Variants in PDE8A observed in about 807,000 individuals in gnomAD.
PDE8A encodes the protein high affinity cAMP-specific and IBMX-insensitive 3',5'-cyclic phosphodiesterase 8A.
PDE8A carries 59 observed loss-of-function variants against 105.0 expected under a neutral mutation model. The ratio of observed to expected loss-of-function variants is 0.56; its 90% CI spans 0.46 to 0.70. PDE8A has a LOEUF of 0.70. PDE8A is among the 30% of genes least tolerant of loss of function. The probability of loss-of-function intolerance (pLI) is 0.00; values close to 1 mark genes in which losing one functional copy is unlikely to be tolerated. For missense variants in PDE8A, 1,014 were observed against 1,045.9 expected (o/e 0.97, Z 0.42); for synonymous variants, 355 against 371.9 (o/e 0.95, Z 0.52).
Position 85,138,124 on chromosome 15 carries a change from A to C in PDE8A, c.*221A>C. ...CACTGTAGCCTGGGCCTGCTGCAGGAGCTCTTCAGAAAGGCACATGAGGAC... is the reference window on the plus strand; with the variant it reads ...CACTGTAGCCTGGGCCTGCTGCAGGCGCTCTTCAGAAAGGCACATGAGGAC... On this transcript the variant is annotated 3_prime_UTR_variant, in exon 22 of 22. Transcript: ENST00000394553. The C allele has an allele frequency of 2.1e-6, 1 of 479,940 alleles. No homozygotes were observed. The highest frequency in any genetic ancestry group is 3.7e-6 in the Non-Finnish European group (1 of 267,612). 29.7% of individuals were successfully genotyped at this position (479,940 alleles called of 1,614,324 possible).
At chr15:85,007,044 T>A (rs987487387) in intron 1 of PDE8A, among the ~76,000 whole-genome samples, 5 of 152,186 alleles carry the variant, frequency 3.3e-5, no homozygotes, top group Admixed American at 1.3e-4. Context: ...CATTCTTCTG[T>A]ACATGGGTGA....
chr15:85,095,349 A>G (rs141149945), intron 8 of PDE8A, among the ~76,000 whole-genome samples: 1 of 151,674 alleles, frequency 6.6e-6, no homozygotes, highest in Non-Finnish European at 1.5e-5. Flanking sequence ...ATATATATAT[A>G]TTTTTTTTCC....
intron 4 of PDE8A, 88 bp downstream of exon 4, chr15:85,076,006 T>TTATTTG: frequency 1.4e-6 from 1 of 718,732 alleles, no homozygotes; most frequent in Non-Finnish European, 2.5e-6. Flanking sequence ...TTGCATGCTG[T>TTATTTG]GTCAGGCATG....
intron 1 of PDE8A, among the ~76,000 whole-genome samples, chr15:85,037,834 A>G (rs1361525338): frequency 3.3e-5 from 5 of 152,242 alleles, no homozygotes; most frequent in African/African-American, 4.8e-5. Flanking sequence ...TCAAATCAGA[A>G]TATTCTAATT....
intron 1 of PDE8A, among the ~76,000 whole-genome samples, chr15:85,001,381 CA>C (rs753727002): frequency 7.2e-5 from 11 of 151,866 alleles, no homozygotes; most frequent in Admixed American, 5.2e-4. Flanking sequence ...AAAACAAAAA[CA>C]AAAAAAGGCA....
chr15:85,029,764 AG>A (rs1369666755), intron 1 of PDE8A, among the ~76,000 whole-genome samples: 1 of 152,214 alleles, frequency 6.6e-6, no homozygotes, highest in Non-Finnish European at 1.5e-5. Context: ...AGATGGTATC[AG>A]TTAGGACCCT....
chr15:85,123,168 C>T lies in PDE8A; in HGVS notation c.2060C>T (p.Pro687Leu). Residue 687 changes from proline (P) to leucine (L), a missense_variant, in exon 19 of 22, where the codon CCC becomes CTC. Transcript: ENST00000394553. ...VNKFVNSINK[P>L]LATLEENGET... ...AAATTTGTCAACAGCATCAACAAAC[C>T]CTTGGCAACACTAGAAGAAAATGGG... 1 of 1,613,958 alleles carries T rather than the reference C, an allele frequency of 6.2e-7. No individual in the cohort carries two copies. Among genetic ancestry groups the T allele is most frequent in the South Asian group, 1.1e-5 (1 of 91,062 alleles).
rs2081836312 is a variant in PDE8A, at chr15:85,100,146, T to C, written c.994-10T>C. 1 of 1,613,900 alleles carries C rather than the reference T, an allele frequency of 6.2e-7. No individual in the cohort carries two copies. Among genetic ancestry groups the C allele is most frequent in the African/African-American group, 1.3e-5 (1 of 74,938 alleles). On this transcript the variant is annotated splice_polypyrimidine_tract_variant and intron_variant, in intron 10 of 21. Transcript: ENST00000394553. ...AATCAGAACTAATGGCTTTTAAAAT[T>C]CACTTTTAGGCTGAGAAAATATCCG...
At chr15:84,980,615 A>G (rs74024774), upstream of PDE8A, 820 of 152,494 alleles carry the variant, frequency 5.4e-3, 3 homozygotes, top group African/African-American at 0.017. Context: ...GCAGCCCGCT[A>G]CAGGATACGT....
chr15:85,114,146 G>A (rs2082060745), intron 14 of PDE8A, 109 bp downstream of exon 14: 2 of 922,728 alleles, frequency 2.2e-6, no homozygotes, highest in South Asian at 3.3e-5. Flanking sequence ...GCTCTGTAGG[G>A]TTCAGTCAAG....
At chr15:85,070,167 A>C (rs1381013823) in intron 3 of PDE8A, among the ~76,000 whole-genome samples, 1 of 152,058 alleles carries the variant, frequency 6.6e-6, no homozygotes, top group Admixed American at 6.6e-5. Flanking sequence ...CTGCCTATGG[A>C]GAGCTTTTCA....
At chr15:84,986,236 TAATA>T (rs1379254160) in intron 1 of PDE8A, among the ~76,000 whole-genome samples, 1 of 151,944 alleles carries the variant, frequency 6.6e-6, no homozygotes, top group Non-Finnish European at 1.5e-5. Context: ...CAAAAATAAA[TAATA>T]AATAAAAGAT....
intron 7 of PDE8A, among the ~76,000 whole-genome samples, chr15:85,089,721 G>A (rs1403784086): frequency 6.6e-6 from 1 of 152,128 alleles, no homozygotes; most frequent in Non-Finnish European, 1.5e-5. Flanking sequence ...ATTGCTGGGG[G>A]CTTGGGGGTA....
rs2081637053 is a variant in PDE8A, at chr15:85,091,177, G to A, written c.848G>A (p.Gly283Asp). The part of the protein sequence containing the change: ...LDTINSCIRI[G>D]KEWQGIYYAK... ...ACTATAAATTCATGCATCAGGATAG[G>A]CAAGGTAAGTAAGAGGTCAGTGCCT... is the stretch of plus-strand genomic sequence containing the variant. The change falls in exon 8 of 22, where the codon GGC (glycine) becomes GAC (aspartate). Residue 283 changes from glycine (G) to aspartate (D), a missense_variant. Gly to Asp is a moderately conservative substitution (Grantham distance 94). Transcript: ENST00000394553. 1.9e-6 allele frequency: 3 copies of A among 1,602,750 alleles called. No homozygotes were observed. The highest frequency in any genetic ancestry group is 2.6e-6 in the Non-Finnish European group (3 of 1,175,512).
intron 3 of PDE8A, among the ~76,000 whole-genome samples, chr15:85,069,481 A>C (rs547034469): frequency 4.4e-4 from 67 of 152,144 alleles, no homozygotes; most frequent in Non-Finnish European, 8.5e-4. Context: ...GGAGGACAGG[A>C]ATTGTGTCCC....
intron 2 of PDE8A, among the ~76,000 whole-genome samples, chr15:85,064,913 A>C (rs865906365): frequency 7.9e-5 from 12 of 152,218 alleles, no homozygotes; most frequent in Middle Eastern, 3.4e-3. Context: ...TCAAGGCTGC[A>C]GTGAGTCATG....
At chr15:85,115,289 CA>C in intron 14 of PDE8A, 149 bp from the exon 15 acceptor site, 1 of 590,726 alleles carries the variant, frequency 1.7e-6, no homozygotes, top group Non-Finnish European at 3.0e-6. Flanking sequence ...TGGTCAATCA[CA>C]GGGGTGGACC....
chr15:85,106,606 G>C (rs1358591486), intron 11 of PDE8A, among the ~76,000 whole-genome samples: 2 of 152,242 alleles, frequency 1.3e-5, no homozygotes, highest in East Asian at 3.8e-4. Flanking sequence ...ATGTGGTTGA[G>C]AAGAGGGGAA....
chr15:85,062,282 G>A, intron 1 of PDE8A, among the ~76,000 whole-genome samples: 1 of 151,192 alleles, frequency 6.6e-6, no homozygotes, highest in East Asian at 1.9e-4. Flanking sequence ...TTTAATTGTG[G>A]TAGGCCATCT....
Sources: allele counts gnomAD v4.1 joint callset (sites outside exome capture counted in the v4.1 genomes callset), GRCh38; gene constraint gnomAD v4.1.1; transcripts MANE v1.5; gene names NCBI Gene and HGNC (gene_info 2026-07-23, HGNC 2026-07-21).